H6PD: variants seen among roughly 807,000 people sequenced by gnomAD.
H6PD encodes hexose-6-phosphate dehydrogenase/glucose 1-dehydrogenase.
In H6PD, 48 loss-of-function variants were observed where a neutral mutation model predicts 61.2. The ratio of observed to expected loss-of-function variants is 0.78; its 90% CI spans 0.62 to 1.00. The LOEUF is 1.00. Among genes scored for constraint, H6PD ranks in the 50% least tolerant of loss-of-function variants. The pLI is 0.00. For missense variants in H6PD, 1,093 were observed against 1,065.0 expected (o/e 1.03, Z -0.37); for synonymous variants, 480 against 457.9 (o/e 1.05, Z -0.62).
chr1:9,261,039 C>T (rs1480752429), intron 3 of H6PD, among the ~76,000 whole-genome samples: 1 of 152,148 alleles, frequency 6.6e-6, no homozygotes, highest in Non-Finnish European at 1.5e-5. Flanking sequence ...GCCTCTCCCT[C>T]CCCTCCAGCT....
chr1:9,242,784 C>T (rs75213162), intron 1 of H6PD: 11,064 of 985,496 alleles, frequency 0.011, 65 homozygotes, highest in Non-Finnish European at 0.012. Context: ...CGCAGCCTGC[C>T]AGCTGGCGGC....
chr1:9,242,957 A>C, intron 1 of H6PD: 1 of 985,450 alleles, frequency 1.0e-6, no homozygotes, highest in South Asian at 4.7e-5. Flanking sequence ...AAAAAGCAGA[A>C]TGGTCCTGTG....
rs531818947 is a variant in H6PD, at chr1:9,234,797, G to GGAGGCCTGAGGCCT, written c.-271_-258dup. ...CCAGTCTTGCTGAGCGCAAGGCGGT[G>GGAGGCCTGAGGCCT]GAGGCCTGAGGCCTGAGGCCTGGGG... On this transcript the variant is annotated 5_prime_UTR_variant, in exon 1 of 5. Coordinates refer to ENST00000377403, the MANE Select transcript of H6PD (RefSeq NM_004285.4). 3 of 147,154 alleles carry GGAGGCCTGAGGCCT rather than the reference G, an allele frequency of 2.0e-5. No individual in the cohort carries two copies. Among genetic ancestry groups the GGAGGCCTGAGGCCT allele is most frequent in the East Asian group, 2.0e-4 (1 of 5,062 alleles). The allele number at this position is 147,154 out of a possible 1,614,324, so 9.1% of individuals were successfully genotyped here.
intron 3 of H6PD, among the ~76,000 whole-genome samples, chr1:9,247,969 GCGCTGTTA>G (rs753554847): frequency 1.3e-5 from 2 of 152,226 alleles, no homozygotes; most frequent in Non-Finnish European, 2.9e-5. Flanking sequence ...GGTGAGGTGG[GCGCTGTTA>G]CTAGCCTCCT....
chr1:9,255,204 A>G (rs1641478200), intron 3 of H6PD, among the ~76,000 whole-genome samples: 1 of 152,166 alleles, frequency 6.6e-6, no homozygotes, highest in African/African-American at 2.4e-5. Flanking sequence ...TTGAGTATAA[A>G]CCCAGGAGTG....
chr1:9,261,662 G>A (rs1343883722), intron 3 of H6PD, among the ~76,000 whole-genome samples: 1 of 152,200 alleles, frequency 6.6e-6, no homozygotes, highest in Non-Finnish European at 1.5e-5. Context: ...CATACTCTGG[G>A]GTGCTGCAGC....
In H6PD at chr1:9,264,961, C is replaced by T. The variant is rs1253789815; in HGVS notation, c.*92C>T. ...CGGCCCCGCCACCTGCCCAGCGTGCCCTGGCTCTCCAGAACCTTCTATCCC... is the reference window on the plus strand; with the variant it reads ...CGGCCCCGCCACCTGCCCAGCGTGCTCTGGCTCTCCAGAACCTTCTATCCC... On this transcript the variant is annotated 3_prime_UTR_variant, in exon 5 of 5. Coordinates refer to ENST00000377403, the MANE Select transcript of H6PD (RefSeq NM_004285.4). 2 of 1,397,546 alleles carry T rather than the reference C, an allele frequency of 1.4e-6. No individual in the cohort carries two copies. Among genetic ancestry groups the T allele is most frequent in the Non-Finnish European group, 2.0e-6 (2 of 1,007,506 alleles). The allele number at this position is 1,397,546 out of a possible 1,614,324, so 86.6% of individuals were successfully genotyped here.
Position 9,263,756 on chromosome 1 carries a change from C to G in H6PD, c.1263C>G (p.Pro421=), listed in dbSNP as rs201960157. 6.2e-7 allele frequency: 1 copy of G among 1,614,026 alleles called. No individual in the cohort carries two copies. The highest frequency in any genetic ancestry group is 8.5e-7 in the Non-Finnish European group (1 of 1,180,032). ...AVLVSRNLFR[P]SLPSSWKEME... ...TGGTCAGCAGGAACCTGTTCAGGCCCTCCCTGCCCTCCAGCTGGAAGGAAA... is the reference window on the plus strand; with the variant it reads ...TGGTCAGCAGGAACCTGTTCAGGCCGTCCCTGCCCTCCAGCTGGAAGGAAA... The change falls in exon 5 of 5, where the codon CCC becomes CCG. Residue 421 remains proline (P), a synonymous_variant. Transcript: ENST00000377403.
intron 3 of H6PD, among the ~76,000 whole-genome samples, chr1:9,253,785 T>G (rs1332157163): frequency 2.0e-5 from 3 of 152,224 alleles, no homozygotes; most frequent in Non-Finnish European, 4.4e-5. Flanking sequence ...AAATACCAAC[T>G]GTGTTTTCTA....
rs981682798 is a variant in H6PD, at chr1:9,266,507, T to C, written c.*1638T>C. ...CCAGGACATGTGTAGTTTTGTTTGT[T>C]CAGTATCCCACAACTTAAGGCTGGG... is the stretch of plus-strand genomic sequence containing the variant. On this transcript the variant is annotated 3_prime_UTR_variant, in exon 5 of 5. Coordinates refer to ENST00000377403, the MANE Select transcript of H6PD (RefSeq NM_004285.4). 1.3e-5 allele frequency: 2 copies of C among 152,208 alleles called. No homozygotes were observed. Among genetic ancestry groups the C allele is most frequent in the Non-Finnish European group, 2.9e-5 (2 of 68,032 alleles). 9.4% of individuals were successfully genotyped at this position (152,208 alleles called of 1,614,324 possible).
At position 9,246,954 on chromosome 1, in the gene H6PD, C is replaced by A. The variant is rs764268717; in HGVS notation, c.628-12C>A. The A allele has an allele frequency of 8.2e-6, 13 of 1,584,056 alleles. No homozygotes were observed. Among genetic ancestry groups the A allele is most frequent in the Non-Finnish European group, 1.1e-5 (13 of 1,153,436 alleles). On this transcript the variant is annotated splice_polypyrimidine_tract_variant and intron_variant, in intron 2 of 4. Transcript: ENST00000377403. ...GTATCCTGCAGCACGCCCAGTCTTC[C>A]CCCCCCGACAGGCTGTGGCGCAGAT...
rs375504656 is a variant in H6PD, at chr1:9,262,274, C to T, written c.961C>T (p.Arg321Cys). The T allele has an allele frequency of 1.7e-4, 271 of 1,610,394 alleles. 1 individual carries two copies. Among genetic ancestry groups the T allele is most frequent in the East Asian group, 1.4e-3 (61 of 44,724 alleles). ...GTACCAGTCTTACAGTGAGCAGGTG[C>T]GCAGAGAGCTGCAGAAGCCAGACAG... ...GQYQSYSEQV[R>C]RELQKPDSFH... is the part of the protein sequence containing the mutation. Residue 321 changes from arginine to cysteine, a missense_variant, in exon 4 of 5, where the codon CGC (arginine) becomes TGC (cysteine). Transcript: ENST00000377403.
chr1:9,257,968 G>A (rs563612083), intron 3 of H6PD, among the ~76,000 whole-genome samples: 1 of 152,378 alleles, frequency 6.6e-6, no homozygotes, highest in Non-Finnish European at 1.5e-5. Flanking sequence ...GTGCTCACCG[G>A]GGTTCAGCCT....
At position 9,264,165 on chromosome 1, in the gene H6PD, G is replaced by T; in HGVS notation, c.1672G>T (p.Ala558Ser). The T allele has an allele frequency of 6.2e-7, 1 of 1,612,720 alleles. No individual in the cohort carries two copies. Among genetic ancestry groups the T allele is most frequent in the Non-Finnish European group, 8.5e-7 (1 of 1,179,324 alleles). ...AKYRESPLVSAWSEELISKLA... is the reference protein window; with the variant it reads ...AKYRESPLVSSWSEELISKLA... ...GTACCGAGAGAGCCCGCTGGTCTCC[G>T]CCTGGTCCGAGGAGCTGATCTCTAA... The change falls in exon 5 of 5, where the codon GCC becomes TCC. Residue 558 changes from alanine (A) to serine (S), a missense_variant. Coordinates refer to ENST00000377403, the MANE Select transcript of H6PD (RefSeq NM_004285.4).
chr1:9,248,392 G>A (rs1054320905), intron 3 of H6PD, among the ~76,000 whole-genome samples: 1 of 152,148 alleles, frequency 6.6e-6, no homozygotes, highest in Non-Finnish European at 1.5e-5. Context: ...CTGCGGGGCC[G>A]AGGTGCCACA....
intron 3 of H6PD, among the ~76,000 whole-genome samples, chr1:9,259,302 A>G (rs1570114910): frequency 1.3e-5 from 2 of 152,034 alleles, no homozygotes; most frequent in East Asian, 3.9e-4. Context: ...CGGTGTTGTT[A>G]TGTTGCTGTT....
intron 1 of H6PD, among the ~76,000 whole-genome samples, chr1:9,236,277 A>T (rs945392503): frequency 1.3e-5 from 2 of 152,130 alleles, no homozygotes; most frequent in Non-Finnish European, 2.9e-5. Context: ...GGCATGAACC[A>T]CCGCGCCCAG....
rs761744429 is a variant in H6PD at position 9,264,388 on chromosome 1, A to T, written c.1895A>T (p.Asn632Ile). ...RCVPLSDPES[N>I]FQGLQAHLLQ... ...GTCCCACTCTCAGACCCGGAGTCCA[A>T]CTTCCAGGGCCTGCAGGCCCACCTG... Residue 632 changes from asparagine to isoleucine, a missense_variant, in exon 5 of 5, where the codon AAC becomes ATC. By Grantham distance (149) the Asn-to-Ile change is moderately radical. Transcript: ENST00000377403. 1 of 1,612,828 alleles carries T rather than the reference A, an allele frequency of 6.2e-7. No individual in the cohort carries two copies. The highest frequency in any genetic ancestry group is 1.3e-5 in the African/African-American group (1 of 74,896).
Position 9,264,918 on chromosome 1 carries a change from G to A in H6PD, c.*49G>A, listed in dbSNP as rs759302046. 17 of 1,597,294 alleles carry A rather than the reference G, an allele frequency of 1.1e-5. No individual in the cohort carries two copies. The highest frequency in any genetic ancestry group is 9.4e-5 in the African/African-American group (7 of 74,714). On this transcript the variant is annotated 3_prime_UTR_variant, in exon 5 of 5. Transcript: ENST00000377403. ...TTCGCTCCTGTGCTTTCCTTCGCCC[G>A]TGTCTTCCCTCCCTTCTCGGCCCCG...
Sources: allele counts gnomAD v4.1 joint callset (sites outside exome capture counted in the v4.1 genomes callset), GRCh38; gene constraint gnomAD v4.1.1; transcripts MANE v1.5; gene names NCBI Gene and HGNC (gene_info 2026-07-23, HGNC 2026-07-21).